Variants in C10orf90 observed in about 807,000 individuals in gnomAD.
The protein encoded by C10orf90 is chromosome 10 open reading frame 90.
A neutral mutation model predicts 62.5 loss-of-function variants in C10orf90; 56 were observed. That is an observed-to-expected ratio of 0.90 (90% CI 0.72 to 1.12). The LOEUF (loss-of-function observed/expected upper bound fraction) is 1.12. C10orf90 is among the 50% of genes most tolerant of loss of function. C10orf90 has a pLI of 0.00. For synonymous variants in C10orf90, 386 were observed against 340.4 expected (o/e 1.13, Z -1.47); for missense variants, 970 against 880.4 (o/e 1.10, Z -1.29).
intron 2 of C10orf90, among the ~76,000 whole-genome samples, chr10:126,569,519 C>T (rs1469665624): frequency 2.0e-5 from 3 of 152,182 alleles, no homozygotes; most frequent in Non-Finnish European, 2.9e-5. Context: ...TCATCACATA[C>T]ATCAAACCCA....
At chr10:126,641,486 C>T (rs1846058181) in intron 2 of C10orf90, among the ~76,000 whole-genome samples, 1 of 152,076 alleles carries the variant, frequency 6.6e-6, no homozygotes. Flanking sequence ...CCGCCCGCTC[C>T]TTTTTCCCTA....
At chr10:126,584,540 C>CA (rs896426770) in intron 2 of C10orf90, among the ~76,000 whole-genome samples, 4 of 152,146 alleles carry the variant, frequency 2.6e-5, no homozygotes, top group Admixed American at 2.0e-4. Context: ...GAACAGAGCA[C>CA]ATGCAAGCCT....
intron 2 of C10orf90, among the ~76,000 whole-genome samples, chr10:126,625,345 T>G (rs1333741188): frequency 5.3e-5 from 8 of 152,150 alleles, no homozygotes; most frequent in African/African-American, 1.9e-4. Context: ...ATTAGCATAG[T>G]GAGGCCCCTA....
intron 2 of C10orf90, among the ~76,000 whole-genome samples, chr10:126,555,901 C>T (rs990469535): frequency 5.9e-5 from 9 of 152,108 alleles, no homozygotes; most frequent in African/African-American, 2.2e-4. Flanking sequence ...AATGACTATA[C>T]TCCGCAAAGA....
chr10:126,553,102 C>G lies in C10orf90; in HGVS notation c.314-39163G>C, dbSNP rs142667273. ...TAGAAGAATATCTTCATGATCTTGG[C>G]ACAAAGATTTCTTTAAAAGGATACA... On this transcript the variant is annotated intron_variant, in intron 2 of 9. Coordinates refer to ENST00000488181, the MANE Select transcript of C10orf90 (RefSeq NM_001350921.2). 3.9e-3 allele frequency among the ~76,000 whole-genome samples: 588 copies of G among 151,894 alleles called. 4 individuals carry two copies. The highest frequency in any genetic ancestry group is 0.014 in the African/African-American group (565 of 41,430).
intron 4 of C10orf90, among the ~76,000 whole-genome samples, chr10:126,490,312 C>A (rs536532046): frequency 1.3e-5 from 2 of 151,086 alleles, no homozygotes; most frequent in Non-Finnish European, 2.9e-5. Context: ...TATGACATAC[C>A]TAGAGTGGTC....
At chr10:126,568,797 G>A (rs1448952426) in intron 2 of C10orf90, among the ~76,000 whole-genome samples, 1 of 152,170 alleles carries the variant, frequency 6.6e-6, no homozygotes, top group Admixed American at 6.5e-5. Flanking sequence ...ATTTCCCAGT[G>A]TAACTGGAGA....
At chr10:126,565,364 T>TAATA (rs1564874441) in intron 2 of C10orf90, among the ~76,000 whole-genome samples, 1 of 77,556 alleles carries the variant, frequency 1.3e-5, no homozygotes, top group Non-Finnish European at 2.3e-5. Flanking sequence ...ATAATATATA[T>TAATA]TATTTTATAT....
chr10:126,556,210 C>T (rs1864768515), intron 2 of C10orf90, among the ~76,000 whole-genome samples: 1 of 152,184 alleles, frequency 6.6e-6, no homozygotes, highest in Non-Finnish European at 1.5e-5. Context: ...GGCCCTCTAT[C>T]AAGACAAAGA....
intron 2 of C10orf90, among the ~76,000 whole-genome samples, chr10:126,609,613 T>C (rs1279430904): frequency 6.6e-6 from 1 of 152,124 alleles, no homozygotes; most frequent in Non-Finnish European, 1.5e-5. Context: ...GTGAACCACA[T>C]GAAGAAGTAA....
chr10:126,531,673 A>G (rs1032932817), intron 2 of C10orf90, among the ~76,000 whole-genome samples: 10 of 152,204 alleles, frequency 6.6e-5, no homozygotes, highest in African/African-American at 2.2e-4. Context: ...CATTAAAACT[A>G]TAAGGCTTTT....
intron 2 of C10orf90, among the ~76,000 whole-genome samples, chr10:126,631,954 C>T (rs993217787): frequency 3.9e-5 from 6 of 152,026 alleles, no homozygotes; most frequent in African/African-American, 1.2e-4. Context: ...ACTGTCCTCA[C>T]GTGTGTAGCC....
chr10:126,580,985 G>C (rs867427201), intron 2 of C10orf90, among the ~76,000 whole-genome samples: 3 of 152,092 alleles, frequency 2.0e-5, no homozygotes, highest in Non-Finnish European at 4.4e-5. Context: ...CAGTTGTTGC[G>C]GGAGGCATAG....
intron 2 of C10orf90, among the ~76,000 whole-genome samples, chr10:126,594,728 G>A (rs543665421): frequency 1.3e-5 from 2 of 152,304 alleles, no homozygotes; most frequent in East Asian, 3.9e-4. Flanking sequence ...CGGATTCAGA[G>A]CAAGAGCATT....
chr10:126,427,316 A>G (rs1857320301), intron 8 of C10orf90, among the ~76,000 whole-genome samples: 1 of 152,202 alleles, frequency 6.6e-6, no homozygotes, highest in African/African-American at 2.4e-5. Context: ...CTGCAGTGGG[A>G]ATTTCCTCAG....
At chr10:126,668,371 A>C (rs1257387133) in intron 1 of C10orf90, among the ~76,000 whole-genome samples, 1 of 152,174 alleles carries the variant, frequency 6.6e-6, no homozygotes, top group Non-Finnish European at 1.5e-5. Context: ...AGCTGATAGA[A>C]GAGAAGGAGT....
chr10:126,521,146 G>T (rs1274653713), intron 2 of C10orf90, among the ~76,000 whole-genome samples: 5 of 152,198 alleles, frequency 3.3e-5, no homozygotes, highest in Non-Finnish European at 7.3e-5. Flanking sequence ...GTCTCCCCAA[G>T]TTGGCCCAGG....
At chr10:126,529,368 T>G (rs75483895) in intron 2 of C10orf90, among the ~76,000 whole-genome samples, 3,465 of 152,320 alleles carry the variant, frequency 0.023, 137 homozygotes, top group African/African-American at 0.079. Context: ...AGTTTGATAA[T>G]TTCAATCATT....
intron 2 of C10orf90, among the ~76,000 whole-genome samples, chr10:126,569,543 T>C (rs975304227): frequency 2.6e-5 from 4 of 152,156 alleles, no homozygotes; most frequent in Admixed American, 6.5e-5. Flanking sequence ...AGGCCACAGT[T>C]GGGGTATAAA....
Sources: gnomAD v4.1 joint callset for allele counts (sites outside exome capture counted in the v4.1 genomes callset) on GRCh38, gnomAD v4.1.1 for gene constraint, MANE v1.5 for transcripts, NCBI Gene and HGNC (gene_info 2026-07-23, HGNC 2026-07-21) for gene names.